Variants in KIRREL3 observed in about 807,000 individuals in gnomAD.
The protein encoded by KIRREL3 is kirre like nephrin family adhesion molecule 3.
Under a neutral mutation model 89.7 loss-of-function variants are expected in KIRREL3, and 36 were observed. That is an observed-to-expected ratio of 0.40 (90% CI 0.31 to 0.53). KIRREL3 has a LOEUF of 0.53. KIRREL3 is among the 20% of genes least tolerant of loss of function. The probability of loss-of-function intolerance (pLI) is 0.49; values close to 1 mark genes in which losing one functional copy is unlikely to be tolerated. For missense variants in KIRREL3, 864 were observed against 1,056.6 expected (o/e 0.82, Z 2.53); for synonymous variants, 445 against 441.4 (o/e 1.01, Z -0.10).
intron 9 of KIRREL3, 39 bp downstream of exon 9, chr11:126,446,720 C>T (rs1176020356): frequency 1.0e-5 from 16 of 1,575,488 alleles, no homozygotes; most frequent in Non-Finnish European, 1.4e-5. Flanking sequence ...GTCCCCGCCC[C>T]CTGCCAGAGG....
rs550241589 is a variant in KIRREL3, at chr11:126,643,462, A to T, written c.56-80550T>A. On this transcript the variant is annotated intron_variant, in intron 1 of 16. Coordinates refer to ENST00000525144, the MANE Select transcript of KIRREL3 (RefSeq NM_032531.4). This position sits in a 1 kb window ranked among gnomAD's most constrained non-coding sequence, Gnocchi z 4.5. ...GCTATTTCAGACAGAGGGAAAAAAC[A>T]TGAGTATTGAAGTGGAAAAGAGGAG... is the stretch of plus-strand genomic sequence containing the variant. 6.6e-6 allele frequency among the ~76,000 whole-genome samples: 1 copy of T among 152,320 alleles called. No homozygotes were observed. Among genetic ancestry groups the T allele is most frequent in the South Asian group, 2.1e-4 (1 of 4,824 alleles).
In KIRREL3 at chr11:126,792,100, G is replaced by A. The variant is rs566649501; in HGVS notation, c.55+208355C>T. Among the ~76,000 whole-genome samples the A allele has an allele frequency of 7.2e-5, 11 of 152,242 alleles. No homozygotes were observed. In the East Asian group the frequency reaches 9.7e-4, roughly 13 times the overall value. On this transcript the variant is annotated intron_variant, in intron 1 of 16. Transcript: ENST00000525144. ...GGAATCGAGCCAGCAGAATGTTAAC[G>A]ATGGGAGGCAGCGAGATGTAAATAA...
chr11:126,753,626 T>C (rs1487637625), intron 1 of KIRREL3, among the ~76,000 whole-genome samples: 1 of 151,976 alleles, frequency 6.6e-6, no homozygotes, highest in East Asian at 1.9e-4. Flanking sequence ...GGAGATCTAG[T>C]TCAGATTATA....
At position 126,624,746 on chromosome 11, in the gene KIRREL3, AC is replaced by A. The variant is rs1207708681; in HGVS notation, c.56-61835del. ...GCTGAGTAATTCCCGAGCATCAATA[AC>A]GTGTGTCATGATGTAATGCAGGGAG... On this transcript the variant is annotated intron_variant, in intron 1 of 16. Coordinates refer to ENST00000525144, the MANE Select transcript of KIRREL3 (RefSeq NM_032531.4). The surrounding 1 kb of genome is among the most constrained non-coding windows in gnomAD (Gnocchi z 6.0). Among the ~76,000 whole-genome samples the A allele has an allele frequency of 1.3e-5, 2 of 152,206 alleles. No homozygotes were observed. Among genetic ancestry groups the A allele is most frequent in the Non-Finnish European group, 2.9e-5 (2 of 68,034 alleles).
rs1368914902 is a variant in KIRREL3 at position 126,769,495 on chromosome 11, C to G, written c.56-206583G>C. Reference sequence around the variant, plus strand: ...AAAACCGTGCACTCCTGTCTTCTCTCTAACAGTTAATGAGAACGATAGGTA... The same window carrying G: ...AAAACCGTGCACTCCTGTCTTCTCTGTAACAGTTAATGAGAACGATAGGTA... On this transcript the variant is annotated intron_variant, in intron 1 of 16. Coordinates refer to ENST00000525144, the MANE Select transcript of KIRREL3 (RefSeq NM_032531.4). The surrounding 1 kb of genome is among the most constrained non-coding windows in gnomAD (Gnocchi z 4.3). Among the ~76,000 whole-genome samples, 2 of 152,224 alleles carry G rather than the reference C, an allele frequency of 1.3e-5. No homozygotes were observed. The highest frequency in any genetic ancestry group is 2.9e-5 in the Non-Finnish European group (2 of 68,044).
chr11:126,889,967 A>G (rs1336888380), intron 1 of KIRREL3, among the ~76,000 whole-genome samples: 1 of 152,242 alleles, frequency 6.6e-6, no homozygotes, highest in Non-Finnish European at 1.5e-5. Flanking sequence ...GTGGCAGCCA[A>G]TCATAGCCTC....
chr11:126,927,248 G>A (rs929947485), intron 1 of KIRREL3, among the ~76,000 whole-genome samples: 11 of 152,176 alleles, frequency 7.2e-5, no homozygotes, highest in African/African-American at 1.9e-4. Context: ...ACACACGCAC[G>A]CACGCACATG....
At chr11:126,533,944 A>G (rs1368283975) in intron 2 of KIRREL3, among the ~76,000 whole-genome samples, 1 of 152,154 alleles carries the variant, frequency 6.6e-6, no homozygotes, top group Non-Finnish European at 1.5e-5. Flanking sequence ...GCTGAGCTCC[A>G]TAGGGCTGGG....
Position 126,463,335 on chromosome 11 carries a change from A to C in KIRREL3, c.592-28T>G, listed in dbSNP as rs765611695. ...TGGGAGAAAGGGAAAGGGGAGAGAA[A>C]GCTCCATGTCGCTTGGCTGGGGTGG... On this transcript the variant is annotated intron_variant, in intron 5 of 16. Coordinates refer to ENST00000525144, the MANE Select transcript of KIRREL3 (RefSeq NM_032531.4). The surrounding 1 kb of genome is among the most constrained non-coding windows in gnomAD (Gnocchi z 5.9). 1.2e-6 allele frequency: 2 copies of C among 1,601,068 alleles called. No homozygotes were observed. Among genetic ancestry groups the C allele is most frequent in the Non-Finnish European group, 1.7e-6 (2 of 1,170,692 alleles).
At chr11:126,464,405 C>CCTG (rs561541487) in intron 5 of KIRREL3, among the ~76,000 whole-genome samples, 57 of 150,848 alleles carry the variant, frequency 3.8e-4, no homozygotes, top group Admixed American at 1.4e-3. Context: ...GTGGCTTGTG[C>CCTG]CTGTAGTCCC....
Position 126,474,502 on chromosome 11 carries a change from A to T in KIRREL3, c.434-1036T>A, listed in dbSNP as rs1957011290. On this transcript the variant is annotated intron_variant, in intron 4 of 16. Transcript: ENST00000525144. The surrounding 1 kb of genome is among the most constrained non-coding windows in gnomAD (Gnocchi z 6.7). Reference sequence around the variant, plus strand: ...CAGGGCAGCCCTTCACAGTGGAGCCAGCGCTTCGGAGGGCTGTGTAAGCGC... The same window carrying T: ...CAGGGCAGCCCTTCACAGTGGAGCCTGCGCTTCGGAGGGCTGTGTAAGCGC... Among the ~76,000 whole-genome samples the T allele has an allele frequency of 6.6e-6, 1 of 152,194 alleles. No individual in the cohort carries two copies. Among genetic ancestry groups the T allele is most frequent in the African/African-American group, 2.4e-5 (1 of 41,456 alleles).
At chr11:126,779,386 C>G (rs375067249) in intron 1 of KIRREL3, among the ~76,000 whole-genome samples, 1 of 152,174 alleles carries the variant, frequency 6.6e-6, no homozygotes, top group African/African-American at 2.4e-5. Context: ...TCCCTGAAAC[C>G]TGTTGTCTCC....
rs1741411100 is a variant in KIRREL3, at chr11:126,870,212, T to C, written c.55+130243A>G. ...CTGTTCACGGTCTAAAGCCACATCC[T>C]GTCTGCCCCAGGCTCATATTCTGCC... On this transcript the variant is annotated intron_variant, in intron 1 of 16. Transcript: ENST00000525144. This position sits in a 1 kb window ranked among gnomAD's most constrained non-coding sequence, Gnocchi z 4.4. 6.6e-6 allele frequency among the ~76,000 whole-genome samples: 1 copy of C among 152,192 alleles called. No homozygotes were observed. The highest frequency in any genetic ancestry group is 2.4e-5 in the African/African-American group (1 of 41,466).
Position 126,620,866 on chromosome 11 carries a change from G to A in KIRREL3, c.56-57954C>T, listed in dbSNP as rs1943548165. Among the ~76,000 whole-genome samples, 2 of 152,134 alleles carry A rather than the reference G, an allele frequency of 1.3e-5. No homozygotes were observed. ...GAGGAAGGCCGTACCCCACTTGCTG[G>A]ATGAGAACATACTGACAAATAGGCC... On this transcript the variant is annotated intron_variant, in intron 1 of 16. Coordinates refer to ENST00000525144, the MANE Select transcript of KIRREL3 (RefSeq NM_032531.4). This position sits in a 1 kb window ranked among gnomAD's most constrained non-coding sequence, Gnocchi z 4.8.
At position 126,673,849 on chromosome 11, in the gene KIRREL3, G is replaced by A. The variant is rs529522570; in HGVS notation, c.56-110937C>T. Among the ~76,000 whole-genome samples the A allele has an allele frequency of 5.3e-5, 8 of 152,342 alleles. No homozygotes were observed. The South Asian group carries it at 1.7e-3, about 32-fold the overall frequency. On this transcript the variant is annotated intron_variant, in intron 1 of 16. Coordinates refer to ENST00000525144, the MANE Select transcript of KIRREL3 (RefSeq NM_032531.4). Reference sequence around the variant, plus strand: ...GATGGATGTTCCTCCCTCCACATTTGGGTTTTTGCGTGAGTTAAACTACTG... The same window carrying A: ...GATGGATGTTCCTCCCTCCACATTTAGGTTTTTGCGTGAGTTAAACTACTG...
Position 126,489,765 on chromosome 11 carries a change from C to T in KIRREL3, c.434-16299G>A, listed in dbSNP as rs1406337227. Among the ~76,000 whole-genome samples the T allele has an allele frequency of 6.6e-6, 1 of 152,172 alleles. No individual in the cohort carries two copies. The highest frequency in any genetic ancestry group is 1.9e-4 in the East Asian group (1 of 5,190). ...ATCCTTAATCACCTCTGTTCTTTTG[C>T]TGGCTCTCTCTGAGGCTTCCCTTTC... On this transcript the variant is annotated intron_variant, in intron 4 of 16. Coordinates refer to ENST00000525144, the MANE Select transcript of KIRREL3 (RefSeq NM_032531.4). The surrounding 1 kb of genome is among the most constrained non-coding windows in gnomAD (Gnocchi z 5.5).
In KIRREL3 at chr11:126,708,769, C is replaced by T. The variant is rs1271004622; in HGVS notation, c.56-145857G>A. Among the ~76,000 whole-genome samples, 1 of 152,168 alleles carries T rather than the reference C, an allele frequency of 6.6e-6. No individual in the cohort carries two copies. The highest frequency in any genetic ancestry group is 1.5e-5 in the Non-Finnish European group (1 of 68,032). On this transcript the variant is annotated intron_variant, in intron 1 of 16. Coordinates refer to ENST00000525144, the MANE Select transcript of KIRREL3 (RefSeq NM_032531.4). The surrounding 1 kb of genome is among the most constrained non-coding windows in gnomAD (Gnocchi z 5.7). Reference sequence around the variant, plus strand: ...ATCTCTGAGGAGTTCACTAGCTTTCCTCCCTCCGCTCTCCAGCTCCCGTTC... The same window carrying T: ...ATCTCTGAGGAGTTCACTAGCTTTCTTCCCTCCGCTCTCCAGCTCCCGTTC...
chr11:126,809,986 C>T (rs1018741332), intron 1 of KIRREL3, among the ~76,000 whole-genome samples: 1 of 152,126 alleles, frequency 6.6e-6, no homozygotes, highest in Non-Finnish European at 1.5e-5. Flanking sequence ...ACATGTCATT[C>T]GCCTCAGCTT....
In KIRREL3 at chr11:126,436,898, C is replaced by T. The variant is rs550464999; in HGVS notation, c.1465G>A (p.Val489Met). The T allele has an allele frequency of 1.5e-5, 25 of 1,613,468 alleles. No individual in the cohort carries two copies. The highest frequency in any genetic ancestry group is 2.2e-5 in the East Asian group (1 of 44,894). The change falls in exon 12 of 17, where the codon GTG becomes ATG. Residue 489 changes from valine to methionine, a missense_variant. Physicochemically the swap from Val to Met is conservative, Grantham distance 21. Coordinates refer to ENST00000525144, the MANE Select transcript of KIRREL3 (RefSeq NM_032531.4). ...TAGATGGTCTGGAAGTCGGCCCGCA[C>T]GATGTTGCTGATGGTCAGGGTGGAG... ...VISTLTISNIVRADFQTIYNC... is the reference protein window; with the variant it reads ...VISTLTISNIMRADFQTIYNC...
Sources: gnomAD v4.1 joint callset for allele counts (sites outside exome capture counted in the v4.1 genomes callset) on GRCh38, gnomAD v4.1.1 for gene constraint, Gnocchi (gnomAD v3.1) non-coding constraint, MANE v1.5 for transcripts, NCBI Gene and HGNC (gene_info 2026-07-23, HGNC 2026-07-21) for gene names.